FRRS1L: variants seen among roughly 807,000 people sequenced by gnomAD.
FRRS1L encodes ferric chelate reductase 1 like, also known as DOMON domain-containing protein FRRS1L.
Under a neutral mutation model 28.6 loss-of-function variants are expected in FRRS1L, and 22 were observed. The ratio of observed to expected loss-of-function variants is 0.77; its 90% CI spans 0.55 to 1.10. FRRS1L has a LOEUF of 1.10. Ranked by LOEUF, FRRS1L falls within the 50% of genes least tolerant of loss-of-function variation. The probability of loss-of-function intolerance (pLI) is 0.00; values close to 1 mark genes in which losing one functional copy is unlikely to be tolerated. For synonymous variants in FRRS1L, 158 were observed against 151.4 expected (o/e 1.04, Z -0.32); for missense variants, 380 against 386.9 (o/e 0.98, Z 0.15).
At position 109,149,120 on chromosome 9, in the gene FRRS1L, T is replaced by C. The variant is rs116362714; in HGVS notation, c.323+516A>G. ...GGGAGGCCCATTGTCCACATGACTG[T>C]TTTCTAGCCCAGCCCGTCATGTCGT... On this transcript the variant is annotated intron_variant, in intron 2 of 4. Transcript: ENST00000561981. Among the ~76,000 whole-genome samples the C allele has an allele frequency of 1.5e-3, 236 of 152,288 alleles. 1 individual carries two copies. The highest frequency in any genetic ancestry group is 5.4e-3 in the African/African-American group (226 of 41,546).
intron 3 of FRRS1L, among the ~76,000 whole-genome samples, 176 bp from the exon 4 acceptor site, chr9:109,141,765 A>T (rs898691583): frequency 3.3e-5 from 5 of 152,330 alleles, no homozygotes; most frequent in Admixed American, 3.3e-4. Flanking sequence ...AATAAGTGAC[A>T]TTCAGTGCCT....
At chr9:109,154,545 T>G (rs892215626) in intron 1 of FRRS1L, among the ~76,000 whole-genome samples, 3 of 152,222 alleles carry the variant, frequency 2.0e-5, no homozygotes, top group African/African-American at 7.2e-5. Context: ...TAGACAATTC[T>G]AATGGGAAAT....
intron 1 of FRRS1L, chr9:109,152,338 C>CG (rs921719559): frequency 2.0e-4 from 30 of 151,912 alleles, no homozygotes; most frequent in African/African-American, 7.0e-4. Context: ...TTTGTAGAGA[C>CG]GGGGTTTCAC....
At position 109,137,452 on chromosome 9, in the gene FRRS1L, T is replaced by C; in HGVS notation, c.*3A>G. 6.4e-7 allele frequency: 1 copy of C among 1,550,486 alleles called. No homozygotes were observed. The highest frequency in any genetic ancestry group is 8.7e-7 in the Non-Finnish European group (1 of 1,143,302). On this transcript the variant is annotated 3_prime_UTR_variant, in exon 5 of 5. Coordinates refer to ENST00000561981, the MANE Select transcript of FRRS1L (RefSeq NM_014334.4). ...ATGTAATCTGTTGGCCCTGCAGCTG[T>C]GGTTAGGGGGTTCCCATCAATAGGT...
chr9:109,141,309 G>T, intron 4 of FRRS1L, 34 bp downstream of exon 4: 1 of 1,610,858 alleles, frequency 6.2e-7, no homozygotes, highest in Non-Finnish European at 8.5e-7. Flanking sequence ...AGTGGTGTCT[G>T]GCGTTTAATC....
In FRRS1L at chr9:109,133,915, T is replaced by C. The variant is rs1015545517; in HGVS notation, c.*3540A>G. The C allele has an allele frequency of 6.6e-6, 1 of 152,234 alleles. No homozygotes were observed. The highest frequency in any genetic ancestry group is 1.5e-5 in the Non-Finnish European group (1 of 68,046). The allele number at this position is 152,234 out of a possible 1,614,324, so 9.4% of individuals were successfully genotyped here. On this transcript the variant is annotated 3_prime_UTR_variant, in exon 5 of 5. Coordinates refer to ENST00000561981, the MANE Select transcript of FRRS1L (RefSeq NM_014334.4). ...AATGAAACTGAAGTTTTTGGAATTA[T>C]CACTTCAGCATGTCTATCGACTGCT...
At chr9:109,144,059 G>A (rs551656040) in intron 3 of FRRS1L, among the ~76,000 whole-genome samples, 3 of 152,148 alleles carry the variant, frequency 2.0e-5, no homozygotes, top group South Asian at 2.1e-4. Flanking sequence ...GCCCTACCAC[G>A]AGTGCAAATG....
chr9:109,157,962 A>T (rs1564234910), intron 1 of FRRS1L, among the ~76,000 whole-genome samples: 1 of 151,556 alleles, frequency 6.6e-6, no homozygotes, highest in Non-Finnish European at 1.5e-5. Context: ...CGTGATCAAA[A>T]CTCTTCTGTA....
chr9:109,142,670 T>G (rs1831202122), intron 3 of FRRS1L, among the ~76,000 whole-genome samples: 1 of 152,092 alleles, frequency 6.6e-6, no homozygotes, highest in African/African-American at 2.4e-5. Context: ...AAAAATTAGC[T>G]GGGCATGGGG....
chr9:109,167,156 G>A lies in FRRS1L; in HGVS notation c.-18C>T. ...CGCGCCATCCGTGCGCACAGATCCCGCAGCCAGGCCGCTCGGGCCGCAGCG... is the reference window on the plus strand; with the variant it reads ...CGCGCCATCCGTGCGCACAGATCCCACAGCCAGGCCGCTCGGGCCGCAGCG... On this transcript the variant is annotated 5_prime_UTR_variant, in exon 1 of 5. Coordinates refer to ENST00000561981, the MANE Select transcript of FRRS1L (RefSeq NM_014334.4). The A allele has an allele frequency of 1.8e-6, 2 of 1,141,530 alleles. No individual in the cohort carries two copies. The highest frequency in any genetic ancestry group is 2.1e-6 in the Non-Finnish European group (2 of 934,402). The allele number at this position is 1,141,530 out of a possible 1,614,324, so 70.7% of individuals were successfully genotyped here.
chr9:109,159,425 C>T (rs1024023977), intron 1 of FRRS1L, among the ~76,000 whole-genome samples: 1 of 152,142 alleles, frequency 6.6e-6, no homozygotes, highest in Non-Finnish European at 1.5e-5. Context: ...AATCCCAGCA[C>T]TCTGGCCAAG....
chr9:109,156,689 G>GTTTTTT (rs57521762), intron 1 of FRRS1L, among the ~76,000 whole-genome samples: 1 of 133,522 alleles, frequency 7.5e-6, no homozygotes, highest in Admixed American at 7.7e-5. Context: ...GCACCTGGAT[G>GTTTTTT]TTTTTTTTTT....
chr9:109,138,782 C>T (rs1282243892), intron 4 of FRRS1L: 1 of 152,414 alleles, frequency 6.6e-6, no homozygotes, highest in Non-Finnish European at 1.5e-5. Context: ...CTCAACTTAA[C>T]TATGCGCCTA....
Position 109,136,023 on chromosome 9 carries a change from A to T in FRRS1L, c.*1432T>A, listed in dbSNP as rs1588095111. On this transcript the variant is annotated 3_prime_UTR_variant, in exon 5 of 5. Coordinates refer to ENST00000561981, the MANE Select transcript of FRRS1L (RefSeq NM_014334.4). The stretch of plus-strand genomic sequence containing the variant: ...AGCAGGTGGATCACCTGAGGTCAGG[A>T]GTTCGAGACCAGCCTGACTAAAATG... 6.6e-6 allele frequency: 1 copy of T among 151,994 alleles called. No homozygotes were observed. The highest frequency in any genetic ancestry group is 2.1e-4 in the South Asian group (1 of 4,794). The allele number at this position is 151,994 out of a possible 1,614,324, so 9.4% of individuals were successfully genotyped here.
chr9:109,158,642 C>A (rs1831440509), intron 1 of FRRS1L, among the ~76,000 whole-genome samples: 1 of 152,200 alleles, frequency 6.6e-6, no homozygotes, highest in Non-Finnish European at 1.5e-5. Flanking sequence ...TTTCAAGGTT[C>A]ATTACATGGT....
At chr9:109,147,494 C>T (rs956882459) in intron 2 of FRRS1L, 3 of 268,616 alleles carry the variant, frequency 1.1e-5, no homozygotes, top group East Asian at 7.3e-5. Context: ...GTGTTCTCTA[C>T]ATTATATTAG....
At chr9:109,163,649 A>G (rs1008286300) in intron 1 of FRRS1L, among the ~76,000 whole-genome samples, 33 of 152,158 alleles carry the variant, frequency 2.2e-4, no homozygotes, top group Non-Finnish European at 1.5e-5. Flanking sequence ...TCTCAGTTTC[A>G]GTGGATTTCC....
In FRRS1L at chr9:109,149,995, A is replaced by G. The variant is rs1035053530; in HGVS notation, c.239-275T>C. The G allele has an allele frequency of 3.9e-5, 12 of 305,330 alleles. 1 individual carries two copies. Among genetic ancestry groups the G allele is most frequent in the African/African-American group, 2.6e-4 (12 of 46,282 alleles). 18.9% of individuals were successfully genotyped at this position (305,330 alleles called of 1,614,324 possible). ...GGCACTGAGAGAGGCACAATTTCAT[A>G]TAACCACGGGCTTACCGCTGTCCCC... On this transcript the variant is annotated intron_variant, in intron 1 of 4. Coordinates refer to ENST00000561981, the MANE Select transcript of FRRS1L (RefSeq NM_014334.4).
At position 109,149,618 on chromosome 9, in the gene FRRS1L, A is replaced by T; in HGVS notation, c.323+18T>A. ...TCAGTCTTAGCCTTAAAGTTATCCA[A>T]CCTGCAGTTCCACCAACCTAAAGCA... On this transcript the variant is annotated intron_variant, in intron 2 of 4. Transcript: ENST00000561981. 2 of 1,555,460 alleles carry T rather than the reference A, an allele frequency of 1.3e-6. No homozygotes were observed. The highest frequency in any genetic ancestry group is 1.8e-6 in the Non-Finnish European group (2 of 1,126,848).
Sources: allele counts gnomAD v4.1 joint callset (sites outside exome capture counted in the v4.1 genomes callset), GRCh38; gene constraint gnomAD v4.1.1; transcripts MANE v1.5; gene names NCBI Gene and HGNC (gene_info 2026-07-23, HGNC 2026-07-21).